GPR155: variants seen among roughly 807,000 people sequenced by gnomAD.
GPR155 encodes lysosomal cholesterol signaling protein.
In GPR155, 65 loss-of-function variants were observed where a neutral mutation model predicts 93.1. That is an observed-to-expected ratio of 0.70 (90% CI 0.57 to 0.86). The LOEUF (loss-of-function observed/expected upper bound fraction) is 0.86. GPR155 is among the 40% of genes least tolerant of loss of function. The pLI is 0.00. For synonymous variants in GPR155, 319 were observed against 360.1 expected (o/e 0.89, Z 1.29); for missense variants, 838 against 1,034.8 (o/e 0.81, Z 2.61).
At chr2:174,477,653 T>C (rs1264223203) in intron 2 of GPR155, among the ~76,000 whole-genome samples, 1 of 152,228 alleles carries the variant, frequency 6.6e-6, no homozygotes, top group Non-Finnish European at 1.5e-5. Flanking sequence ...CAGTGCTTTT[T>C]TTTTGCTATC....
intron 4 of GPR155, 115 bp from the exon 5 acceptor site, chr2:174,469,182 C>T: frequency 3.6e-6 from 3 of 825,966 alleles, no homozygotes; most frequent in Admixed American, 5.1e-5. Flanking sequence ...ACAGTAAAGA[C>T]ATTATAAAAT....
chr2:174,470,590 T>C (rs749314281), intron 3 of GPR155, 35 bp from the exon 4 acceptor site: 7 of 1,595,472 alleles, frequency 4.4e-6, no homozygotes, highest in African/African-American at 2.7e-5. Flanking sequence ...TTACCTGATA[T>C]CAAAGCATGG....
chr2:174,455,849 A>T (rs570858170), intron 10 of GPR155, among the ~76,000 whole-genome samples: 29 of 150,028 alleles, frequency 1.9e-4, no homozygotes, highest in African/African-American at 4.6e-4. Context: ...ATAATTTTTT[A>T]TTTTTTTTTT....
intron 11 of GPR155, among the ~76,000 whole-genome samples, chr2:174,450,106 C>T (rs1687272053): frequency 6.6e-6 from 1 of 151,254 alleles, no homozygotes; most frequent in South Asian, 2.1e-4. Context: ...TGCACTCCAG[C>T]CTGGGTGGCA....
At chr2:174,465,438 T>A (rs759622402) in intron 7 of GPR155, among the ~76,000 whole-genome samples, 5 of 152,164 alleles carry the variant, frequency 3.3e-5, no homozygotes, top group Non-Finnish European at 7.3e-5. Flanking sequence ...GATAGTGAGC[T>A]CTGGAACACA....
In GPR155 at chr2:174,461,686, G is replaced by A. The variant is rs1687702345; in HGVS notation, c.1385-14C>T. The stretch of plus-strand genomic sequence containing the variant: ...TTGCTAGAAGGCCTAAGAATAAGAA[G>A]ATTGAAAGAGAGACAGTTACTCAAC... On this transcript the variant is annotated splice_polypyrimidine_tract_variant and intron_variant, in intron 7 of 15. Coordinates refer to ENST00000392552, the MANE Select transcript of GPR155 (RefSeq NM_152529.7). The A allele has an allele frequency of 1.5e-6, 2 of 1,378,834 alleles. No homozygotes were observed. Among genetic ancestry groups the A allele is most frequent in the African/African-American group, 1.4e-5 (1 of 70,002 alleles). 85.4% of individuals were successfully genotyped at this position (1,378,834 alleles called of 1,614,324 possible). A position where few individuals can be genotyped will look rare whatever the true frequency, so the allele number is the denominator to read the frequency against.
In GPR155 at chr2:174,459,949, T is replaced by C. The variant is rs1326264955; in HGVS notation, c.1700A>G (p.Asn567Ser). ...TGCTGGACTCTCCTCAAAAGCAGTATTTCCAGGCTCCACCACTTTGTGGCT... is the reference window on the plus strand; with the variant it reads ...TGCTGGACTCTCCTCAAAAGCAGTACTTCCAGGCTCCACCACTTTGTGGCT... ...SQSHKVVEPGNTAFEESPAPV... is the reference protein window; with the variant it reads ...SQSHKVVEPGSTAFEESPAPV... Residue 567 changes from asparagine to serine, a missense_variant, in exon 10 of 16, where the codon AAT (asparagine) becomes AGT (serine). Physicochemically the swap from Asn to Ser is conservative, Grantham distance 46. Around this residue, in one of 3 missense-constraint regions of GPR155, gnomAD observed 663 missense variants for 790.1 expected, o/e 0.84. Coordinates refer to ENST00000392552, the MANE Select transcript of GPR155 (RefSeq NM_152529.7). 1.2e-6 allele frequency: 2 copies of C among 1,613,992 alleles called. No homozygotes were observed. The highest frequency in any genetic ancestry group is 2.7e-5 in the African/African-American group (2 of 74,916).
intron 14 of GPR155, among the ~76,000 whole-genome samples, chr2:174,440,941 GAGAC>G (rs1686940993): frequency 3.3e-5 from 5 of 152,252 alleles, no homozygotes; most frequent in Admixed American, 2.6e-4. Context: ...GTTGTCAAAG[GAGAC>G]AGACAATCAA....
In GPR155 at chr2:174,481,482, TA is replaced by T; in HGVS notation, c.460+14del. On this transcript the variant is annotated intron_variant, in intron 2 of 15. Transcript: ENST00000392552. ...TTGAATTTTTTAAACACTTGAAAAA[TA>T]AAAATTAACTTACCTATAGGGTATC... The T allele has an allele frequency of 1.4e-6, 2 of 1,434,872 alleles. No homozygotes were observed. The highest frequency in any genetic ancestry group is 1.9e-6 in the Non-Finnish European group (2 of 1,053,912). The allele number at this position is 1,434,872 out of a possible 1,614,324, so 88.9% of individuals were successfully genotyped here.
chr2:174,477,568 T>C (rs1316347516), intron 2 of GPR155, among the ~76,000 whole-genome samples: 1 of 152,084 alleles, frequency 6.6e-6, no homozygotes, highest in African/African-American at 2.4e-5. Context: ...TAGAATAGGG[T>C]TCAACATGGG....
chr2:174,476,622 C>CAA (rs200632959), intron 2 of GPR155, among the ~76,000 whole-genome samples: 20 of 150,724 alleles, frequency 1.3e-4, no homozygotes, highest in Non-Finnish European at 1.8e-4. Context: ...AAAAACAAAA[C>CAA]AAAAAAAAAC....
At chr2:174,437,699 C>T (rs1453915258) in intron 15 of GPR155, among the ~76,000 whole-genome samples, 1 of 151,430 alleles carries the variant, frequency 6.6e-6, no homozygotes, top group Non-Finnish European at 1.5e-5. Flanking sequence ...ATTCTCTTGC[C>T]TCAGCCTCCC....
chr2:174,464,283 A>G (rs1276698936), intron 7 of GPR155, among the ~76,000 whole-genome samples: 3 of 152,226 alleles, frequency 2.0e-5, no homozygotes, highest in African/African-American at 7.2e-5. Context: ...ATTTTAATGC[A>G]TATTTGAAAA....
chr2:174,477,115 ATTG>A (rs1486922407), intron 2 of GPR155, among the ~76,000 whole-genome samples: 12 of 152,176 alleles, frequency 7.9e-5, no homozygotes, highest in Non-Finnish European at 1.0e-4. Flanking sequence ...TTTACATCGA[ATTG>A]TTGTCAATGA....
rs759371672 is a variant in GPR155, at chr2:174,461,607, T to C, written c.1450A>G (p.Ile484Val). The C allele has an allele frequency of 6.2e-7, 1 of 1,610,332 alleles. No individual in the cohort carries two copies. Among genetic ancestry groups the C allele is most frequent in the East Asian group, 2.2e-5 (1 of 44,802 alleles). Residue 484 changes from isoleucine to valine, a missense_variant, in exon 8 of 16, where the codon ATC (isoleucine) becomes GTC (valine). Physicochemically the swap from Ile to Val is conservative, Grantham distance 29. Transcript: ENST00000392552. ...RERVQIPVGIIIISGWGIPAL... is the reference protein window; with the variant it reads ...RERVQIPVGIVIISGWGIPAL... Reference sequence around the variant, plus strand: ...ACTTACCCCCAGCCAGATATTATGATTATTCCAACAGGAATTTGTACCCTC... The same window carrying C: ...ACTTACCCCCAGCCAGATATTATGACTATTCCAACAGGAATTTGTACCCTC...
intron 9 of GPR155, among the ~76,000 whole-genome samples, 162 bp downstream of exon 9, chr2:174,461,240 G>C (rs1478766482): frequency 1.3e-5 from 2 of 152,170 alleles, no homozygotes; most frequent in Non-Finnish European, 2.9e-5. Context: ...CATGTAAAAT[G>C]TTCATGTTCT....
At chr2:174,465,677 C>T in intron 7 of GPR155, 108 bp downstream of exon 7, 1 of 622,584 alleles carries the variant, frequency 1.6e-6, no homozygotes, top group Non-Finnish European at 2.9e-6. Context: ...CAGTGCATGC[C>T]TTGATCCTGT....
At chr2:174,446,222 G>T (rs773565221) in intron 12 of GPR155, among the ~76,000 whole-genome samples, 4 of 147,656 alleles carry the variant, frequency 2.7e-5, no homozygotes, top group African/African-American at 1.0e-4. Context: ...CAGGAGAATC[G>T]CTTGAACCCG....
rs1687845410 is a variant in GPR155, at chr2:174,466,639, A to C, written c.1183-12T>G. ...GCCAGAGACCAGATCTTGAAGACAA[A>C]AGGTTCAAAAGTTATTCATGTTTCT... is the stretch of plus-strand genomic sequence containing the variant. On this transcript the variant is annotated splice_polypyrimidine_tract_variant and intron_variant, in intron 5 of 15. Transcript: ENST00000392552. 1 of 1,383,870 alleles carries C rather than the reference A, an allele frequency of 7.2e-7. No homozygotes were observed. The highest frequency in any genetic ancestry group is 1.9e-5 in the Admixed American group (1 of 52,208). The allele number at this position is 1,383,870 out of a possible 1,614,324, so 85.7% of individuals were successfully genotyped here.
Sources: allele counts gnomAD v4.1 joint callset (sites outside exome capture counted in the v4.1 genomes callset), GRCh38; gene constraint gnomAD v4.1.1; regional missense constraint gnomAD v4.1.1; transcripts MANE v1.5; gene names NCBI Gene and HGNC (gene_info 2026-07-23, HGNC 2026-07-21).